Variants in DPF3 observed in about 807,000 individuals in gnomAD.
The protein encoded by DPF3 is zinc finger protein DPF3.
In DPF3, 18 loss-of-function variants were observed where a neutral mutation model predicts 56.8. That is an observed-to-expected ratio of 0.32 (90% CI 0.22 to 0.47). The LOEUF is 0.47. Among genes scored for constraint, DPF3 ranks in the 20% least tolerant of loss-of-function variants. The probability of loss-of-function intolerance (pLI) is 1.00; values close to 1 mark genes in which losing one functional copy is unlikely to be tolerated. For synonymous variants in DPF3, 188 were observed against 180.2 expected, an observed-to-expected ratio of 1.04 and a Z score of -0.35; for missense variants, 403 against 488.8, an observed-to-expected ratio of 0.82 and a Z score of 1.65.
At position 72,709,991 on chromosome 14, in the gene DPF3, T is replaced by C. The variant is rs955190786; in HGVS notation, c.604+4432A>G. 2.0e-5 allele frequency among the ~76,000 whole-genome samples: 3 copies of C among 152,372 alleles called. 1 individual carries two copies. In the South Asian group the frequency reaches 6.2e-4, roughly 32 times the overall value. On this transcript the variant is annotated intron_variant, in intron 6 of 10. Coordinates refer to ENST00000556509, the MANE Select transcript of DPF3 (RefSeq NM_001280542.3). Reference sequence around the variant, plus strand: ...GGCATATGCCTGCTTTGCTCCTCCCTGCATGGCTAATGCTTAGAGACAAAA... The same window carrying C: ...GGCATATGCCTGCTTTGCTCCTCCCCGCATGGCTAATGCTTAGAGACAAAA...
chr14:72,833,980 G>A lies in DPF3; in HGVS notation c.32+60077C>T, dbSNP rs548585762. Among the ~76,000 whole-genome samples the A allele has an allele frequency of 6.6e-5, 10 of 151,954 alleles. No homozygotes were observed. The East Asian group carries it at 1.2e-3, about 18-fold the overall frequency. On this transcript the variant is annotated intron_variant, in intron 1 of 10. Coordinates refer to ENST00000556509, the MANE Select transcript of DPF3 (RefSeq NM_001280542.3). The stretch of plus-strand genomic sequence containing the variant: ...GTGGATCACTTGAGGCCAGGAGTTC[G>A]AAACCAGCCTGGCTAACATGGTGAA...
chr14:72,769,391 C>G (rs905654580), intron 2 of DPF3, among the ~76,000 whole-genome samples: 1 of 152,224 alleles, frequency 6.6e-6, no homozygotes, highest in African/African-American at 2.4e-5. Flanking sequence ...TTTCAAAACA[C>G]CAGCACTGGG....
intron 6 of DPF3, among the ~76,000 whole-genome samples, chr14:72,705,012 A>T (rs1187034921): frequency 6.6e-6 from 1 of 152,056 alleles, no homozygotes; most frequent in Non-Finnish European, 1.5e-5. Context: ...TGTCCCTAGG[A>T]TTGTCATGAA....
intron 1 of DPF3, among the ~76,000 whole-genome samples, chr14:72,828,322 G>A (rs1018735889): frequency 9.9e-5 from 15 of 152,064 alleles, no homozygotes; most frequent in Non-Finnish European, 1.9e-4. Flanking sequence ...TGAGGACGTG[G>A]TCCCTGTCTC....
intron 1 of DPF3, among the ~76,000 whole-genome samples, chr14:72,852,266 G>T (rs1421090118): frequency 6.6e-6 from 1 of 152,194 alleles, no homozygotes; most frequent in Admixed American, 6.5e-5. Flanking sequence ...AGTGAAAAAA[G>T]TTGGAGGCCT....
intron 3 of DPF3, among the ~76,000 whole-genome samples, chr14:72,751,442 G>A (rs144469890): frequency 6.6e-6 from 1 of 152,282 alleles, no homozygotes; most frequent in Non-Finnish European, 1.5e-5. Flanking sequence ...GATGCAGCAG[G>A]TCTGGAGCAA....
chr14:72,687,373 C>T (rs905268530), intron 7 of DPF3, among the ~76,000 whole-genome samples: 2 of 152,124 alleles, frequency 1.3e-5, no homozygotes, highest in Non-Finnish European at 2.9e-5. Flanking sequence ...GTTATATTTA[C>T]TTATGCTATT....
intron 1 of DPF3, among the ~76,000 whole-genome samples, chr14:72,856,248 C>T (rs1365934706): frequency 1.3e-5 from 2 of 152,228 alleles, no homozygotes; most frequent in Non-Finnish European, 2.9e-5. Context: ...GAGGGTATCA[C>T]AGGATGCTGT....
chr14:72,892,736 C>A (rs61988505), intron 1 of DPF3: 1 of 983,574 alleles, frequency 1.0e-6, no homozygotes, highest in Non-Finnish European at 1.2e-6. Context: ...CCTGCACCTC[C>A]CTCTGCCACT....
chr14:72,835,909 A>G (rs1884272878), intron 1 of DPF3, among the ~76,000 whole-genome samples: 2 of 151,908 alleles, frequency 1.3e-5, no homozygotes, highest in African/African-American at 2.4e-5. Flanking sequence ...CCAAAAACCA[A>G]CCTCATGGTT....
intron 1 of DPF3, among the ~76,000 whole-genome samples, chr14:72,790,068 A>G (rs1424865306): frequency 6.6e-6 from 1 of 152,074 alleles, no homozygotes; most frequent in Admixed American, 6.5e-5. Flanking sequence ...CCTGGGCAAC[A>G]TAGTGAGACC....
At chr14:72,737,768 G>A (rs145892118) in intron 3 of DPF3, among the ~76,000 whole-genome samples, 23 of 152,262 alleles carry the variant, frequency 1.5e-4, no homozygotes, top group Admixed American at 8.5e-4. Flanking sequence ...CCGACAAGGC[G>A]CATCCATCCG....
intron 1 of DPF3, among the ~76,000 whole-genome samples, chr14:72,792,423 G>C (rs994161933): frequency 4.0e-5 from 6 of 149,950 alleles, no homozygotes; most frequent in Non-Finnish European, 1.5e-5. Flanking sequence ...AAAAAGAAAA[G>C]AAAAAAAGAA....
intron 8 of DPF3, among the ~76,000 whole-genome samples, chr14:72,633,542 A>G (rs1233815929): frequency 5.3e-5 from 8 of 152,148 alleles, no homozygotes; most frequent in African/African-American, 1.7e-4. Context: ...GGTCACAGTA[A>G]CCAAAAGAAG....
chr14:72,728,530 G>C (rs1001072343), intron 4 of DPF3, among the ~76,000 whole-genome samples: 1 of 152,148 alleles, frequency 6.6e-6, no homozygotes, highest in African/African-American at 2.4e-5. Context: ...CATCCTTTTC[G>C]ATTTATTTAG....
chr14:72,822,510 T>G (rs1883599248), intron 1 of DPF3, among the ~76,000 whole-genome samples: 1 of 152,192 alleles, frequency 6.6e-6, no homozygotes, highest in African/African-American at 2.4e-5. Context: ...AATATTTATG[T>G]TTATATAACA....
At chr14:72,804,830 G>C (rs1893027263) in intron 1 of DPF3, among the ~76,000 whole-genome samples, 1 of 152,148 alleles carries the variant, frequency 6.6e-6, no homozygotes, top group African/African-American at 2.4e-5. Flanking sequence ...TGAGTCCTGG[G>C]AGGTGTCATG....
chr14:72,631,389 T>C (rs1021399228), intron 8 of DPF3, among the ~76,000 whole-genome samples: 4 of 152,210 alleles, frequency 2.6e-5, no homozygotes, highest in Non-Finnish European at 4.4e-5. Flanking sequence ...ATCTCAAAGA[T>C]TGGTCTAAGA....
At chr14:72,846,404 C>T (rs540276374) in intron 1 of DPF3, among the ~76,000 whole-genome samples, 20 of 141,142 alleles carry the variant, frequency 1.4e-4, no homozygotes, top group Non-Finnish European at 1.9e-4. Context: ...GGTGCGATCT[C>T]GGCTCACTGC....
Sources: gnomAD v4.1 joint callset for allele counts (sites outside exome capture counted in the v4.1 genomes callset) on GRCh38, gnomAD v4.1.1 for gene constraint, MANE v1.5 for transcripts, NCBI Gene and HGNC (gene_info 2026-07-23, HGNC 2026-07-21) for gene names.